MUSK: variants seen among roughly 807,000 people sequenced by gnomAD.
MUSK encodes muscle associated receptor tyrosine kinase.
Under a neutral mutation model 88.7 loss-of-function variants are expected in MUSK, and 55 were observed. The ratio of observed to expected loss-of-function variants is 0.62; its 90% CI spans 0.50 to 0.78. The LOEUF (loss-of-function observed/expected upper bound fraction) is 0.78. MUSK is among the 30% of genes least tolerant of loss of function. MUSK has a pLI of 0.00. For synonymous variants in MUSK, 387 were observed against 391.9 expected, an observed-to-expected ratio of 0.99 and a Z score of 0.15; for missense variants, 1,015 against 1,074.3, an observed-to-expected ratio of 0.94 and a Z score of 0.77.
intron 5 of MUSK, among the ~76,000 whole-genome samples, chr9:110,702,157 C>T (rs769912010): frequency 2.2e-4 from 34 of 151,694 alleles, no homozygotes; most frequent in Admixed American, 4.6e-4. Context: ...CCAACTAGCC[C>T]GGAAATGCTG....
At chr9:110,786,595 C>T (rs1377454098) in intron 13 of MUSK, among the ~76,000 whole-genome samples, 1 of 151,832 alleles carries the variant, frequency 6.6e-6, no homozygotes, top group East Asian at 1.9e-4. Flanking sequence ...TAATTTCTTA[C>T]ATTGTTTTAA....
At chr9:110,690,225 A>T (rs1366809584) in intron 3 of MUSK, among the ~76,000 whole-genome samples, 1 of 96,298 alleles carries the variant, frequency 1.0e-5, no homozygotes, top group South Asian at 3.9e-4. Context: ...TTTAAGTATA[A>T]ATATATATTT....
intron 9 of MUSK, among the ~76,000 whole-genome samples, chr9:110,774,221 C>T (rs2077628367): frequency 1.3e-5 from 2 of 152,250 alleles, no homozygotes; most frequent in South Asian, 2.1e-4. Context: ...ATATTTAATT[C>T]AAATTTGTTT....
intron 5 of MUSK, among the ~76,000 whole-genome samples, chr9:110,724,908 T>A (rs1223560990): frequency 4.6e-5 from 7 of 151,834 alleles, no homozygotes; most frequent in African/African-American, 1.7e-4. Context: ...TTGAAAGAGG[T>A]CAAAAGTATT....
intron 3 of MUSK, among the ~76,000 whole-genome samples, chr9:110,688,658 C>T (rs765793645): frequency 1.3e-5 from 2 of 151,900 alleles, no homozygotes; most frequent in African/African-American, 2.4e-5. Flanking sequence ...CTGTTTCCCC[C>T]CATGTGTTCA....
At chr9:110,784,381 T>G (rs1009667540) in intron 11 of MUSK, among the ~76,000 whole-genome samples, 1 of 152,150 alleles carries the variant, frequency 6.6e-6, no homozygotes, top group Non-Finnish European at 1.5e-5. Flanking sequence ...CTCCTAATAT[T>G]TTCATTTTTC....
intron 6 of MUSK, among the ~76,000 whole-genome samples, chr9:110,740,525 A>G (rs181738355): frequency 3.9e-5 from 6 of 152,294 alleles, no homozygotes; most frequent in Non-Finnish European, 4.4e-5. Flanking sequence ...ATAGACCATT[A>G]TAAGGTTTCT....
intron 3 of MUSK, 74 bp downstream of exon 3, chr9:110,687,342 ATT>A: frequency 3.6e-6 from 5 of 1,407,184 alleles, no homozygotes; most frequent in Non-Finnish European, 4.8e-6. Flanking sequence ...TATTTTTTAC[ATT>A]TTTTTTTTGA....
At position 110,687,131 on chromosome 9, in the gene MUSK, G is replaced by A. The variant is rs758118087; in HGVS notation, c.221G>A (p.Arg74Gln). Reference sequence around the variant, plus strand: ...GTGACCTGCAGACTCTTTGACACCCGGTACAGCATCCGGGAGAATGGGCAG... The same window carrying A: ...GTGACCTGCAGACTCTTTGACACCCAGTACAGCATCCGGGAGAATGGGCAG... ...NKILIKLFDT[R>Q]YSIRENGQLL... Residue 74 changes from arginine to glutamine, a missense_variant, in exon 3 of 15, where the codon CGG becomes CAG. Physicochemically the swap from Arg to Gln is conservative, Grantham distance 43. Coordinates refer to ENST00000374448, the MANE Select transcript of MUSK (RefSeq NM_005592.4). 1.2e-5 allele frequency: 20 copies of A among 1,613,118 alleles called. No individual in the cohort carries two copies. Among genetic ancestry groups the A allele is most frequent in the Admixed American group, 3.3e-5 (2 of 59,930 alleles).
chr9:110,800,580 C>T lies in MUSK; in HGVS notation c.2202C>T (p.Gly734=), dbSNP rs143701488. The T allele has an allele frequency of 4.2e-4, 683 of 1,613,268 alleles. 5 individuals are homozygous for T. The African/African-American group carries it at 7.4e-3, about 17-fold the overall frequency. ...RDLATRNCLV[G]ENMVVKIADF... is the part of the protein sequence containing the mutation. ...TAGCCACCAGGAACTGCCTGGTGGGCGAGAACATGGTGGTGAAAATTGCCG... is the reference window on the plus strand; with the variant it reads ...TAGCCACCAGGAACTGCCTGGTGGGTGAGAACATGGTGGTGAAAATTGCCG... Residue 734 remains glycine (G), a synonymous_variant, in exon 15 of 15, where the codon GGC becomes GGT. Transcript: ENST00000374448.
Position 110,734,258 on chromosome 9 carries a change from C to A in MUSK, c.636C>A (p.Ala212=). Residue 212 remains alanine, a synonymous_variant, in exon 6 of 15, where the codon GCC becomes GCA. Transcript: ENST00000374448. ...CTTCTGTCTTCCTAACAGTTTTTGC[C>A]AGGATCCTGCGGGCTCCTGAATCCC... ...KVVKLEVEVF[A]RILRAPESHN... is the part of the protein sequence containing the mutation. 6.2e-7 allele frequency: 1 copy of A among 1,611,736 alleles called. No homozygotes were observed. The highest frequency in any genetic ancestry group is 1.1e-5 in the South Asian group (1 of 90,806).
chr9:110,732,003 G>A (rs1361417153), intron 5 of MUSK, among the ~76,000 whole-genome samples: 1 of 152,044 alleles, frequency 6.6e-6, no homozygotes, highest in Non-Finnish European at 1.5e-5. Flanking sequence ...ATAAATTAAA[G>A]CAGCAAAACA....
intron 6 of MUSK, among the ~76,000 whole-genome samples, chr9:110,738,160 T>A (rs1054349907): frequency 3.9e-5 from 6 of 152,152 alleles, no homozygotes; most frequent in Non-Finnish European, 8.8e-5. Flanking sequence ...TTTTTCTATC[T>A]ATCAAATCAC....
chr9:110,749,063 CATATA>C (rs1397166042), intron 7 of MUSK, among the ~76,000 whole-genome samples: 1 of 151,986 alleles, frequency 6.6e-6, no homozygotes, highest in Admixed American at 6.6e-5. Flanking sequence ...ATAGTATAAT[CATATA>C]ATATAAATAG....
Position 110,784,903 on chromosome 9 carries a change from A to T in MUSK, c.1473A>T (p.Thr491=), listed in dbSNP as rs2077827722. ...SSSSSFSVSP[T]YSMTVIISIM... is the part of the protein sequence containing the mutation. ...CTTCTTCCTTCTCTGTCTCACCTACATACTCCATGACTGTAATAATCTCCA... is the reference window on the plus strand; with the variant it reads ...CTTCTTCCTTCTCTGTCTCACCTACTTACTCCATGACTGTAATAATCTCCA... The change falls in exon 12 of 15, where the codon ACA becomes ACT. Residue 491 remains threonine (T), a synonymous_variant. Coordinates refer to ENST00000374448, the MANE Select transcript of MUSK (RefSeq NM_005592.4). 4.3e-6 allele frequency: 7 copies of T among 1,613,848 alleles called. No homozygotes were observed. The highest frequency in any genetic ancestry group is 1.7e-4 in the Middle Eastern group (1 of 6,058).
intron 5 of MUSK, among the ~76,000 whole-genome samples, chr9:110,718,188 A>G (rs890854031): frequency 6.6e-6 from 1 of 152,008 alleles, no homozygotes. Flanking sequence ...AGGCTGCTTG[A>G]GTGTCCCCAC....
intron 1 of MUSK, among the ~76,000 whole-genome samples, chr9:110,674,198 T>C (rs1244005453): frequency 6.6e-6 from 1 of 152,112 alleles, no homozygotes; most frequent in Non-Finnish European, 1.5e-5. Flanking sequence ...GAGCACTGAG[T>C]TGGGAAATAG....
chr9:110,765,543 C>A (rs1012900499), intron 8 of MUSK, among the ~76,000 whole-genome samples: 1 of 151,454 alleles, frequency 6.6e-6, no homozygotes, highest in Non-Finnish European at 1.5e-5. Flanking sequence ...TAACATGGGA[C>A]CCTTCAGAAT....
intron 5 of MUSK, among the ~76,000 whole-genome samples, chr9:110,729,073 TG>T (rs968349435): frequency 1.3e-5 from 2 of 151,546 alleles, no homozygotes; most frequent in Non-Finnish European, 2.9e-5. Flanking sequence ...TGGTGGGGGT[TG>T]GGGGGCTTTA....
Sources: allele counts gnomAD v4.1 joint callset (sites outside exome capture counted in the v4.1 genomes callset), GRCh38; gene constraint gnomAD v4.1.1; transcripts MANE v1.5; gene names NCBI Gene and HGNC (gene_info 2026-07-23, HGNC 2026-07-21).